DNAH11: variants seen among roughly 807,000 people sequenced by gnomAD.
The protein encoded by DNAH11 is axonemal beta dynein heavy chain 11.
Under a neutral mutation model 526.0 loss-of-function variants are expected in DNAH11, and 442 were observed. That is an observed-to-expected ratio of 0.84 (90% CI 0.78 to 0.91). The LOEUF (loss-of-function observed/expected upper bound fraction) is 0.91, where lower values mean the gene tolerates loss of function less well. Among genes scored for constraint, DNAH11 ranks in the 40% least tolerant of loss-of-function variants. The probability of loss-of-function intolerance (pLI) is 0.00; values close to 1 mark genes in which losing one functional copy is unlikely to be tolerated. For missense variants in DNAH11, 6,989 were observed against 5,448.7 expected (o/e 1.28, Z -8.90); for synonymous variants, 2,461 against 1,935.9 (o/e 1.27, Z -7.12).
chr7:21,686,738 C>T (rs1205917935), intron 32 of DNAH11, among the ~76,000 whole-genome samples: 1 of 151,940 alleles, frequency 6.6e-6, no homozygotes, highest in Non-Finnish European at 1.5e-5. Flanking sequence ...TCTACTTTTC[C>T]TTTATAAACA....
At chr7:21,700,837 T>A (rs1215460215) in intron 36 of DNAH11, among the ~76,000 whole-genome samples, 1 of 152,100 alleles carries the variant, frequency 6.6e-6, no homozygotes, top group Non-Finnish European at 1.5e-5. Context: ...GAAACCATAA[T>A]TCTCAGCAAA....
rs201247500 is a variant in DNAH11 at position 21,817,695 on chromosome 7, A to AT, written c.10569-513dup. ...ACAACAGAGTGAGACCACCATCTCT[A>AT]TTTTTTTTTGATGTAGTTTTTGTTT... On this transcript the variant is annotated intron_variant, in intron 64 of 81. Transcript: ENST00000409508. 8.1e-3 allele frequency among the ~76,000 whole-genome samples: 1,225 copies of AT among 150,680 alleles called. 10 individuals are homozygous for AT. The highest frequency in any genetic ancestry group is 0.027 in the African/African-American group (1,115 of 41,128).
rs540231584 is a variant in DNAH11, at chr7:21,886,114, A to G, written c.12507+1704A>G. On this transcript the variant is annotated intron_variant, in intron 76 of 81. Coordinates refer to ENST00000409508, the MANE Select transcript of DNAH11 (RefSeq NM_001277115.2). ...GCGAGACACCAACTCTGTTTAAAGCAATGCTTTGAATAGTTTGAGTGATGT... is the reference window on the plus strand; with the variant it reads ...GCGAGACACCAACTCTGTTTAAAGCGATGCTTTGAATAGTTTGAGTGATGT... 7.6e-4 allele frequency among the ~76,000 whole-genome samples: 115 copies of G among 152,248 alleles called. 1 individual carries two copies. The highest frequency in any genetic ancestry group is 4.0e-4 in the Non-Finnish European group (27 of 68,008).
Position 21,829,168 on chromosome 7 carries a change from A to T in DNAH11, c.10691+10829A>T, listed in dbSNP as rs75688297. Among the ~76,000 whole-genome samples, 1,137 of 152,226 alleles carry T rather than the reference A, an allele frequency of 7.5e-3. 13 individuals carry two copies. The highest frequency in any genetic ancestry group is 0.025 in the African/African-American group (1,055 of 41,530). ...GAAGCTTTTAATTTTAAACAGCAGGATGTGCAGTAAGGCTTTTAGATGTCC... is the reference window on the plus strand; with the variant it reads ...GAAGCTTTTAATTTTAAACAGCAGGTTGTGCAGTAAGGCTTTTAGATGTCC... On this transcript the variant is annotated intron_variant, in intron 65 of 81. Transcript: ENST00000409508.
At chr7:21,814,258 TG>T (rs1283664439) in intron 63 of DNAH11, among the ~76,000 whole-genome samples, 1 of 152,220 alleles carries the variant, frequency 6.6e-6, no homozygotes, top group African/African-American at 2.4e-5. Context: ...AGTGAGTGAA[TG>T]TGAAGGCCTA....
At chr7:21,762,505 A>T (rs906160730) in intron 54 of DNAH11, among the ~76,000 whole-genome samples, 2 of 152,200 alleles carry the variant, frequency 1.3e-5, no homozygotes, top group African/African-American at 2.4e-5. Flanking sequence ...CTTGGGAAGA[A>T]AGGAGAAATA....
At chr7:21,721,604 CAGAG>C (rs1784876736) in intron 44 of DNAH11, among the ~76,000 whole-genome samples, 2 of 152,288 alleles carry the variant, frequency 1.3e-5, no homozygotes, top group African/African-American at 4.8e-5. Flanking sequence ...CCCCATGTGA[CAGAG>C]AGAGAAAGAC....
At chr7:21,674,945 A>G (rs1360323698) in intron 30 of DNAH11, among the ~76,000 whole-genome samples, 3 of 152,120 alleles carry the variant, frequency 2.0e-5, no homozygotes, top group South Asian at 4.1e-4. Context: ...ATAGCCAATC[A>G]ACCACCAATT....
intron 8 of DNAH11, among the ~76,000 whole-genome samples, chr7:21,576,077 C>T (rs1161411241): frequency 6.6e-6 from 1 of 152,184 alleles, no homozygotes; most frequent in African/African-American, 2.4e-5. Context: ...AGTAGCATGG[C>T]TCACCTGTCA....
chr7:21,883,966 C>T (rs997516949), intron 75 of DNAH11, among the ~76,000 whole-genome samples: 1 of 152,022 alleles, frequency 6.6e-6, no homozygotes, highest in Non-Finnish European at 1.5e-5. Flanking sequence ...TTGCTGGAGC[C>T]CCAGAATTCA....
At position 21,773,753 on chromosome 7, in the gene DNAH11, T is replaced by C. The variant is rs1583680275; in HGVS notation, c.9103-13T>C. 6.7e-7 allele frequency: 1 copy of C among 1,492,452 alleles called. No homozygotes were observed. 92.5% of individuals were successfully genotyped at this position (1,492,452 alleles called of 1,614,324 possible). On this transcript the variant is annotated splice_polypyrimidine_tract_variant and intron_variant, in intron 55 of 81. Coordinates refer to ENST00000409508, the MANE Select transcript of DNAH11 (RefSeq NM_001277115.2). The stretch of plus-strand genomic sequence containing the variant: ...AGAGGATTTCACATGAACTGTAATG[T>C]TTGTGTTTTCAGCCAGTGCACAAAG...
At chr7:21,767,297 C>G (rs575815830) in intron 55 of DNAH11, among the ~76,000 whole-genome samples, 3 of 152,222 alleles carry the variant, frequency 2.0e-5, no homozygotes, top group African/African-American at 7.2e-5. Context: ...GTTACTTTGT[C>G]AAATGGTAGG....
chr7:21,561,872 CT>C (rs1186834819), intron 5 of DNAH11, among the ~76,000 whole-genome samples: 7 of 152,090 alleles, frequency 4.6e-5, no homozygotes, highest in East Asian at 1.9e-4. Flanking sequence ...GGACAAGTAA[CT>C]TTTTTTGTTT....
At chr7:21,860,008 C>CA (rs1326707418) in intron 68 of DNAH11, among the ~76,000 whole-genome samples, 1 of 151,918 alleles carries the variant, frequency 6.6e-6, no homozygotes, top group African/African-American at 2.4e-5. Flanking sequence ...CCTGTCTCTA[C>CA]AAAAAAATTC....
chr7:21,786,598 ACGTGTTTCTGTGTG>A lies in DNAH11; in HGVS notation c.9598-24_9598-11del. 3.8e-6 allele frequency: 6 copies of A among 1,599,850 alleles called. No individual in the cohort carries two copies. Among genetic ancestry groups the A allele is most frequent in the Non-Finnish European group, 4.3e-6 (5 of 1,170,670 alleles). On this transcript the variant is annotated splice_polypyrimidine_tract_variant and intron_variant, in intron 58 of 81. Transcript: ENST00000409508. ...AGACTTCCGCTAATCCTGTCTGTGT[ACGTGTTTCTGTGTG>A]CTTTTCTTCAGGTCAACCTCAGTGA...
rs762289514 is a variant in DNAH11, at chr7:21,704,535, T to C, written c.6375T>C (p.Asp2125=). The C allele has an allele frequency of 2.8e-5, 45 of 1,613,874 alleles. No individual in the cohort carries two copies. Among genetic ancestry groups the C allele is most frequent in the Non-Finnish European group, 3.7e-5 (44 of 1,179,840 alleles). ...TCGGTGACCTGTTTCCAGCCCTGGA[T>C]GTGCCCCGGAGGAGGAAGCTGCACT... ...GLVGDLFPAL[D]VPRRRKLHFE... The change falls in exon 38 of 82, where the codon GAT becomes GAC. Residue 2125 remains aspartate (D), a synonymous_variant. Transcript: ENST00000409508.
intron 23 of DNAH11, chr7:21,618,432 C>T (rs2128453450): frequency 6.6e-6 from 1 of 152,660 alleles, no homozygotes; most frequent in Admixed American, 6.5e-5. Context: ...ACCCATATGG[C>T]TGGCTCAACT....
At chr7:21,757,975 C>G (rs1213431822) in intron 54 of DNAH11, among the ~76,000 whole-genome samples, 1 of 152,234 alleles carries the variant, frequency 6.6e-6, no homozygotes. Context: ...CTACCTCTGG[C>G]TGAGGAGCAG....
intron 30 of DNAH11, among the ~76,000 whole-genome samples, chr7:21,678,221 T>C (rs1026307941): frequency 1.3e-5 from 2 of 152,054 alleles, no homozygotes; most frequent in Non-Finnish European, 2.9e-5. Flanking sequence ...TCTTTAAGTC[T>C]TTGATTCATT....
Sources: allele counts gnomAD v4.1 joint callset (sites outside exome capture counted in the v4.1 genomes callset), GRCh38; gene constraint gnomAD v4.1.1; transcripts MANE v1.5; gene names NCBI Gene and HGNC (gene_info 2026-07-23, HGNC 2026-07-21).